Variants in ABL1 observed in about 807,000 individuals in gnomAD.
ABL1 encodes the protein ABL proto-oncogene 1, non-receptor tyrosine kinase, also known as tyrosine-protein kinase ABL1.
In ABL1, 11 loss-of-function variants were observed where a neutral mutation model predicts 94.7. The observed-to-expected ratio is 0.12, with a 90% CI of 0.07 to 0.19. ABL1 has a LOEUF of 0.19. ABL1 is among the 10% of genes least tolerant of loss of function. The pLI is 1.00. For missense variants in ABL1, 1,082 were observed against 1,489.4 expected (o/e 0.73, Z 4.50); for synonymous variants, 656 against 622.4 (o/e 1.05, Z -0.80).
intron 1 of ABL1, among the ~76,000 whole-genome samples, chr9:130,725,214 G>C (rs535393105): frequency 8.2e-4 from 124 of 152,056 alleles, no homozygotes; most frequent in Non-Finnish European, 1.5e-3. Context: ...TAGAAACTCT[G>C]TACCCATTAA....
chr9:130,744,856 CA>C (rs796361842), intron 1 of ABL1, among the ~76,000 whole-genome samples: 3,772 of 58,390 alleles, frequency 0.065, 128 homozygotes, highest in African/African-American at 0.18. Flanking sequence ...GACTCCGTCT[CA>C]AAAAAAAAAA....
At chr9:130,769,873 C>T (rs1276252604) in intron 1 of ABL1, among the ~76,000 whole-genome samples, 1 of 152,130 alleles carries the variant, frequency 6.6e-6, no homozygotes, top group East Asian at 1.9e-4. Context: ...CTGCTGGCAA[C>T]CCTGATCTGT....
At chr9:130,746,676 A>T (rs992744724) in intron 1 of ABL1, among the ~76,000 whole-genome samples, 1 of 152,000 alleles carries the variant, frequency 6.6e-6, no homozygotes, top group Non-Finnish European at 1.5e-5. Flanking sequence ...TTATTCATTC[A>T]TCTGTTGAGG....
At chr9:130,720,987 GAGCAAGACCCTGTCTCAAAAA>G (rs1416948538) in intron 1 of ABL1, among the ~76,000 whole-genome samples, 1 of 149,740 alleles carries the variant, frequency 6.7e-6, no homozygotes, top group Non-Finnish European at 1.5e-5. Context: ...CTGGGCAACA[GAGCAAGACCCTGTCTCAAAAA>G]AAAAAAAAAT....
chr9:130,864,018 C>T (rs1831117000), intron 4 of ABL1, among the ~76,000 whole-genome samples: 1 of 152,188 alleles, frequency 6.6e-6, no homozygotes. Context: ...GACTCCTTGA[C>T]TGACCTGATG....
chr9:130,807,486 C>T (rs1182681474), intron 1 of ABL1, among the ~76,000 whole-genome samples: 3 of 151,802 alleles, frequency 2.0e-5, no homozygotes, highest in South Asian at 2.1e-4. Context: ...GTGATCTGCC[C>T]GCCGTGGCCT....
intron 1 of ABL1, among the ~76,000 whole-genome samples, chr9:130,762,474 G>A (rs1406024104): frequency 2.0e-5 from 3 of 152,176 alleles, no homozygotes; most frequent in African/African-American, 7.2e-5. Context: ...GTTGTTGGGT[G>A]TGTTGAATGT....
At chr9:130,821,614 A>G (rs1428197794) in intron 1 of ABL1, among the ~76,000 whole-genome samples, 2 of 150,494 alleles carry the variant, frequency 1.3e-5, no homozygotes, top group Non-Finnish European at 2.9e-5. Context: ...TTGTGTGGAT[A>G]TACATTTTCA....
chr9:130,716,441 A>T (rs1831442136), intron 1 of ABL1, among the ~76,000 whole-genome samples: 3 of 151,984 alleles, frequency 2.0e-5, no homozygotes, highest in Admixed American at 2.0e-4. Context: ...AAAATTATTA[A>T]TTTTATTACA....
rs34323373 is a variant in ABL1 at position 130,740,819 on chromosome 9, A to ATTTTTT, written c.136+26382_136+26387dup. On this transcript the variant is annotated intron_variant, in intron 1 of 10. Transcript: ENST00000372348. ...TACAGGTGTGCACCACCACACCCAG[A>ATTTTTT]TTTTTTTTTTTTTTTTTTTTTTTGT... Among the ~76,000 whole-genome samples the ATTTTTT allele has an allele frequency of 5.2e-4, 51 of 97,840 alleles. 1 individual carries two copies. The highest frequency in any genetic ancestry group is 8.2e-4 in the African/African-American group (20 of 24,516). The allele number at this position is 97,840 out of a possible 152,430, so 64.2% of individuals were successfully genotyped here. A position where few individuals can be genotyped will look rare whatever the true frequency, so the allele number is the denominator to read the frequency against.
chr9:130,761,344 A>T (rs900965641), intron 1 of ABL1, among the ~76,000 whole-genome samples: 13 of 151,916 alleles, frequency 8.6e-5, no homozygotes, highest in Non-Finnish European at 1.9e-4. Flanking sequence ...TAGGTGGGAG[A>T]ATGGCATCTC....
At chr9:130,881,947 C>T (rs1028740977) in intron 10 of ABL1, among the ~76,000 whole-genome samples, 3 of 151,900 alleles carry the variant, frequency 2.0e-5, no homozygotes, top group African/African-American at 7.3e-5. Context: ...ATGTCCACTA[C>T]TGTAGGAGTA....
chr9:130,751,605 G>T (rs1215041992), intron 1 of ABL1, among the ~76,000 whole-genome samples: 2 of 130,700 alleles, frequency 1.5e-5, no homozygotes, highest in East Asian at 4.5e-4. Flanking sequence ...GCCTCTTCAG[G>T]AATTGGGAAG....
At chr9:130,761,959 G>A (rs1645821080) in intron 1 of ABL1, among the ~76,000 whole-genome samples, 1 of 151,984 alleles carries the variant, frequency 6.6e-6, no homozygotes, top group Non-Finnish European at 1.5e-5. Flanking sequence ...CCTGACGAAC[G>A]TGGGGAAACC....
chr9:130,786,920 C>G (rs1236314665), intron 1 of ABL1, among the ~76,000 whole-genome samples: 1 of 146,840 alleles, frequency 6.8e-6, no homozygotes, highest in Admixed American at 6.8e-5. Flanking sequence ...AAAATAAGGA[C>G]TAAATCACGA....
At chr9:130,742,559 A>G (rs866750011) in intron 1 of ABL1, among the ~76,000 whole-genome samples, 2 of 152,174 alleles carry the variant, frequency 1.3e-5, no homozygotes, top group African/African-American at 4.8e-5. Context: ...GCACTACCAA[A>G]TAATGCTTTG....
chr9:130,849,865 C>A (rs905757063), intron 1 of ABL1, among the ~76,000 whole-genome samples: 1 of 152,036 alleles, frequency 6.6e-6, no homozygotes, highest in Non-Finnish European at 1.5e-5. Context: ...GTGGCTTTGC[C>A]CCATTTTTTC....
intron 1 of ABL1, among the ~76,000 whole-genome samples, chr9:130,758,125 T>C (rs749785976): frequency 6.6e-6 from 1 of 152,152 alleles, no homozygotes; most frequent in Admixed American, 6.6e-5. Context: ...TTGACATATA[T>C]TATCTCTATT....
Position 130,872,713 on chromosome 9 carries a change from G to A in ABL1, c.908-147G>A. ...TCCCTCCCACACGAGCACAGTCTCA[G>A]GATGCAGGTGCTTGGGACCATGTTG... On this transcript the variant is annotated intron_variant, in intron 5 of 10. Transcript: ENST00000318560. The surrounding 1 kb of genome is among the most constrained non-coding windows in gnomAD (Gnocchi z 5.0). The A allele has an allele frequency of 1.4e-6, 1 of 720,668 alleles. No homozygotes were observed. The highest frequency in any genetic ancestry group is 3.0e-5 in the Admixed American group (1 of 33,620). 44.6% of individuals were successfully genotyped at this position (720,668 alleles called of 1,614,324 possible).
Sources: gnomAD v4.1 joint callset for allele counts (sites outside exome capture counted in the v4.1 genomes callset) on GRCh38, gnomAD v4.1.1 for gene constraint, Gnocchi (gnomAD v3.1) non-coding constraint, MANE v1.5 for transcripts, NCBI Gene and HGNC (gene_info 2026-07-23, HGNC 2026-07-21) for gene names.